The following CDH13 variants were observed in gnomAD, a reference collection of about 807,000 sequenced individuals.
CDH13 encodes the protein cadherin 13.
Under a neutral mutation model 63.8 loss-of-function variants are expected in CDH13, and 24 were observed. The observed-to-expected ratio is 0.38, with a 90% confidence interval of 0.27 to 0.53. The LOEUF (loss-of-function observed/expected upper bound fraction) is 0.53. Among genes scored for constraint, CDH13 ranks in the 20% least tolerant of loss-of-function variants. CDH13 has a pLI of 0.85. For missense variants in CDH13, 1,049 were observed against 903.1 expected (o/e 1.16, Z -2.07); for synonymous variants, 503 against 355.3 (o/e 1.42, Z -4.67).
intron 8 of CDH13, among the ~76,000 whole-genome samples, chr16:83,635,730 C>T (rs1911201241): frequency 2.0e-5 from 3 of 152,114 alleles, no homozygotes; most frequent in Admixed American, 2.0e-4. Flanking sequence ...ATGTGGCTTG[C>T]AAATATTTAT....
intron 5 of CDH13, among the ~76,000 whole-genome samples, chr16:83,263,898 T>A (rs1328248135): frequency 6.6e-6 from 1 of 151,966 alleles, no homozygotes; most frequent in Non-Finnish European, 1.5e-5. Flanking sequence ...AAAAAAATAA[T>A]GATAGCAGAA....
At chr16:82,729,697 A>G (rs1020813685) in intron 1 of CDH13, among the ~76,000 whole-genome samples, 7 of 152,196 alleles carry the variant, frequency 4.6e-5, no homozygotes, top group Non-Finnish European at 1.0e-4. Context: ...GCCCCTAACA[A>G]GAGAGTCAGC....
At chr16:82,842,799 A>G (rs2039088630) in intron 1 of CDH13, among the ~76,000 whole-genome samples, 3 of 152,194 alleles carry the variant, frequency 2.0e-5, no homozygotes, top group South Asian at 4.1e-4. Context: ...TCCTGCAACT[A>G]GACAGTCTCA....
At chr16:82,920,735 A>G (rs2042129224) in intron 2 of CDH13, among the ~76,000 whole-genome samples, 1 of 152,052 alleles carries the variant, frequency 6.6e-6, no homozygotes, top group South Asian at 2.1e-4. Context: ...GCTTGATTTC[A>G]CTAGTTAGAG....
intron 8 of CDH13, among the ~76,000 whole-genome samples, chr16:83,632,921 C>T (rs1401832334): frequency 2.0e-5 from 3 of 151,538 alleles, no homozygotes. Flanking sequence ...CTGAGAGTTT[C>T]TCCCCCTTTT....
At chr16:83,191,498 T>A (rs62037392) in intron 4 of CDH13, among the ~76,000 whole-genome samples, 1 of 72,116 alleles carries the variant, frequency 1.4e-5, no homozygotes, top group Non-Finnish European at 2.7e-5. Context: ...TGCACATATA[T>A]ATATATACAC....
Position 82,662,241 on chromosome 16 carries a change from C to T in CDH13, c.45+35104C>T, listed in dbSNP as rs370249630. ...AATTTCACTTAAAAAACAGATGCAA[C>T]ACACAGGCACATACTTTTTGGATAA... is the stretch of plus-strand genomic sequence containing the variant. On this transcript the variant is annotated intron_variant, in intron 1 of 13. Coordinates refer to ENST00000567109, the MANE Select transcript of CDH13 (RefSeq NM_001257.5). Among the ~76,000 whole-genome samples the T allele has an allele frequency of 1.8e-4, 25 of 138,538 alleles. No homozygotes were observed. The East Asian group carries it at 4.2e-3, about 23-fold the overall frequency. The allele number at this position is 138,538 out of a possible 152,430, so 90.9% of individuals were successfully genotyped here.
At chr16:82,981,462 C>G (rs980332965) in intron 2 of CDH13, among the ~76,000 whole-genome samples, 5 of 152,070 alleles carry the variant, frequency 3.3e-5, no homozygotes, top group African/African-American at 1.2e-4. Context: ...CATTCTCCAC[C>G]TGCCACAGCA....
At chr16:83,664,922 T>C (rs909631726) in intron 8 of CDH13, among the ~76,000 whole-genome samples, 2 of 152,210 alleles carry the variant, frequency 1.3e-5, no homozygotes, top group Non-Finnish European at 2.9e-5. Context: ...ATACTAGCCC[T>C]CTCACTTACT....
intron 4 of CDH13, among the ~76,000 whole-genome samples, chr16:83,140,762 T>G (rs1014618307): frequency 2.0e-5 from 3 of 152,226 alleles, no homozygotes; most frequent in African/African-American, 7.2e-5. Flanking sequence ...GCCGATCTGA[T>G]GTATCTTAAG....
chr16:83,324,062 G>T (rs1445822728), intron 5 of CDH13, among the ~76,000 whole-genome samples: 7 of 148,620 alleles, frequency 4.7e-5, no homozygotes, highest in African/African-American at 1.7e-4. Flanking sequence ...TTTTGAGGTG[G>T]AGTCTCACTC....
chr16:82,749,087 G>A (rs2034303629), intron 1 of CDH13, among the ~76,000 whole-genome samples: 2 of 151,856 alleles, frequency 1.3e-5, no homozygotes, highest in Admixed American at 1.3e-4. Flanking sequence ...GAATTGTGGG[G>A]TCCAATTTTT....
intron 1 of CDH13, among the ~76,000 whole-genome samples, chr16:82,693,419 C>CT (rs139200067): frequency 0.044 from 6,695 of 152,312 alleles, 256 homozygotes; most frequent in African/African-American, 0.096. Flanking sequence ...CTGTGCACCT[C>CT]TTTGCTGAAA....
intron 6 of CDH13, among the ~76,000 whole-genome samples, chr16:83,368,728 C>A (rs943539563): frequency 2.0e-5 from 3 of 151,284 alleles, no homozygotes; most frequent in African/African-American, 7.3e-5. Flanking sequence ...CCTTTGCATC[C>A]TTATAGCTTA....
At chr16:82,874,039 G>C (rs1301392546) in intron 2 of CDH13, among the ~76,000 whole-genome samples, 3 of 131,076 alleles carry the variant, frequency 2.3e-5, no homozygotes, top group Non-Finnish European at 3.2e-5. Flanking sequence ...CTGGAATTTA[G>C]AAAGATAATA....
chr16:83,294,608 G>GTC (rs1050496524), intron 5 of CDH13, among the ~76,000 whole-genome samples: 1 of 106,902 alleles, frequency 9.4e-6, no homozygotes, highest in Non-Finnish European at 2.0e-5. Flanking sequence ...GTGTATGTGT[G>GTC]TGTGTGTGTG....
intron 1 of CDH13, among the ~76,000 whole-genome samples, chr16:82,820,833 A>C (rs2151094801): frequency 6.6e-6 from 1 of 152,286 alleles, no homozygotes; most frequent in East Asian, 1.9e-4. Flanking sequence ...CCATTTTCTT[A>C]TTGGAGTATA....
intron 1 of CDH13, among the ~76,000 whole-genome samples, chr16:82,767,526 C>T (rs1210713104): frequency 6.6e-6 from 1 of 152,210 alleles, no homozygotes; most frequent in Non-Finnish European, 1.5e-5. Context: ...GTCTAGCTTA[C>T]CCTGATGCCA....
intron 3 of CDH13, among the ~76,000 whole-genome samples, chr16:83,116,859 A>G (rs948388338): frequency 1.3e-5 from 2 of 152,180 alleles, no homozygotes; most frequent in Admixed American, 1.3e-4. Flanking sequence ...CCTTTCCACA[A>G]ATCAAATGCT....
Sources: allele counts gnomAD v4.1 joint callset (sites outside exome capture counted in the v4.1 genomes callset), GRCh38; gene constraint gnomAD v4.1.1; transcripts MANE v1.5; gene names NCBI Gene and HGNC (gene_info 2026-07-23, HGNC 2026-07-21).